The following KIF9 variants were observed in gnomAD, a reference collection of about 807,000 sequenced individuals.
The protein encoded by KIF9 is kinesin-like protein KIF9.
In KIF9, 68 loss-of-function variants were observed where a neutral mutation model predicts 94.8. The ratio of observed to expected loss-of-function variants is 0.72; its 90% CI spans 0.59 to 0.88. The LOEUF (loss-of-function observed/expected upper bound fraction) is 0.88. Ranked by LOEUF, KIF9 falls within the 40% of genes least tolerant of loss-of-function variation. The pLI, the probability that KIF9 is intolerant of heterozygous loss-of-function variation, is 0.00. For synonymous variants in KIF9, 343 were observed against 362.1 expected (o/e 0.95, Z 0.60); for missense variants, 882 against 982.5 (o/e 0.90, Z 1.37).
At position 47,243,075 on chromosome 3, in the gene KIF9, G is replaced by T. The variant is rs201012739; in HGVS notation, c.1685C>A (p.Pro562Gln). Residue 562 changes from proline to glutamine, a missense_variant, in exon 16 of 21, where the codon CCG (proline) becomes CAG (glutamine). Physicochemically the swap from Pro to Gln is moderately conservative, Grantham distance 76. Coordinates refer to ENST00000684063, the MANE Select transcript of KIF9 (RefSeq NM_182902.4). ...CCTAATTGGGCGTAATTCCTCCTTC[G>T]GGGAGTCTGAGGGAAGGGGCTCAAT... ...SSIEPLPSDSPKEELRPIRPD... is the reference protein window; with the variant it reads ...SSIEPLPSDSQKEELRPIRPD... The T allele has an allele frequency of 6.8e-6, 11 of 1,610,732 alleles. No individual in the cohort carries two copies. Among genetic ancestry groups the T allele is most frequent in the Non-Finnish European group, 9.3e-6 (11 of 1,177,238 alleles).
chr3:47,275,451 C>G lies in KIF9; in HGVS notation c.133G>C (p.Val45Leu). 1 of 1,611,600 alleles carries G rather than the reference C, an allele frequency of 6.2e-7. No individual in the cohort carries two copies. The highest frequency in any genetic ancestry group is 8.5e-7 in the Non-Finnish European group (1 of 1,179,144). The change falls in exon 3 of 21, where the codon GTT becomes CTT. Residue 45 changes from valine (V) to leucine (L), a missense_variant. Physicochemically the swap from Val to Leu is conservative, Grantham distance 32. Transcript: ENST00000684063. ...IHLKKDIRRG[V>L]VNNQQTDWSF... is the part of the protein sequence containing the mutation. ...CAGTCTGTCTGTTGGTTATTGACAACTCCTCTCCGAATGTCTTTTTTTAAG... is the reference window on the plus strand; with the variant it reads ...CAGTCTGTCTGTTGGTTATTGACAAGTCCTCTCCGAATGTCTTTTTTTAAG...
chr3:47,264,107 G>GT, intron 9 of KIF9, 179 bp downstream of exon 9: 1 of 599,370 alleles, frequency 1.7e-6, no homozygotes, highest in Non-Finnish European at 3.1e-6. Flanking sequence ...TTAGTGCTTG[G>GT]TGTGTGGATC....
intron 10 of KIF9, among the ~76,000 whole-genome samples, chr3:47,253,921 T>C (rs1418495108): frequency 6.6e-6 from 1 of 152,224 alleles, no homozygotes; most frequent in Non-Finnish European, 1.5e-5. Flanking sequence ...ACAGTGCTTG[T>C]TTTAATAGTG....
Position 47,245,482 on chromosome 3 carries a change from A to G in KIF9, c.1319T>C (p.Leu440Ser), listed in dbSNP as rs148412321. Residue 440 changes from leucine (L) to serine (S), a missense_variant, in exon 14 of 21, where the codon TTG becomes TCG. Transcript: ENST00000684063. ...GTCAATGAGGGTGTACTTCCTGCGC[A>G]AAGTGGACTCCACTTCCTGTTCCTG... is the stretch of plus-strand genomic sequence containing the variant. The part of the protein sequence containing the change: ...SQQEQEVEST[L>S]RRKYTLIDRN... 32 of 1,613,832 alleles carry G rather than the reference A, an allele frequency of 2.0e-5. No individual in the cohort carries two copies. The highest frequency in any genetic ancestry group is 4.0e-5 in the African/African-American group (3 of 74,924).
At chr3:47,264,234 G>T (rs1701153869) in intron 9 of KIF9, 52 bp downstream of exon 9, 1 of 1,396,836 alleles carries the variant, frequency 7.2e-7, no homozygotes, top group Non-Finnish European at 1.0e-6. Context: ...ACCCTGCCCT[G>T]GCACCCATGA....
At chr3:47,249,300 C>T (rs1370074877) in intron 10 of KIF9, among the ~76,000 whole-genome samples, 1 of 152,014 alleles carries the variant, frequency 6.6e-6, no homozygotes, top group Non-Finnish European at 1.5e-5. Context: ...CATGTGCCAC[C>T]ACGCCCGGCT....
At chr3:47,276,698 C>T (rs1332558468) in intron 2 of KIF9, among the ~76,000 whole-genome samples, 2 of 152,184 alleles carry the variant, frequency 1.3e-5, no homozygotes, top group Admixed American at 1.3e-4. Flanking sequence ...TTTCTGACCG[C>T]TAGGACCTGC....
At chr3:47,235,740 G>A (rs1209944835) in intron 19 of KIF9, 123 bp from the exon 20 acceptor site, 12 of 758,520 alleles carry the variant, frequency 1.6e-5, no homozygotes, top group Admixed American at 1.1e-4. Context: ...CCACCAAAAG[G>A]GCATCTCACA....
At chr3:47,234,551 C>CCATATACTTTCATGCTTTCTTA in intron 20 of KIF9, among the ~76,000 whole-genome samples, 15 of 148,470 alleles carry the variant, frequency 1.0e-4, no homozygotes, top group African/African-American at 3.7e-4. Flanking sequence ...CTGTGCCCAG[C>CCATATACTTTCATGCTTTCTTA]ATTTTTTTTT....
At chr3:47,242,918 T>C (rs1326871783) in intron 16 of KIF9, 133 bp downstream of exon 16, 3 of 702,184 alleles carry the variant, frequency 4.3e-6, no homozygotes, top group African/African-American at 1.8e-5. Context: ...GTTTCTTCTT[T>C]GGGGACTGTG....
intron 10 of KIF9, among the ~76,000 whole-genome samples, chr3:47,254,286 T>C (rs1244023493): frequency 6.6e-6 from 1 of 152,146 alleles, no homozygotes. Context: ...GGTGAAACCC[T>C]GTCTCTACTA....
chr3:47,234,822 C>T (rs1050186798), intron 20 of KIF9, among the ~76,000 whole-genome samples: 3 of 151,858 alleles, frequency 2.0e-5, no homozygotes, highest in African/African-American at 7.3e-5. Flanking sequence ...GCCCAAAGTG[C>T]TGGGATTACA....
At chr3:47,282,240 C>T (rs1197602888) in intron 1 of KIF9, 1 of 985,556 alleles carries the variant, frequency 1.0e-6, no homozygotes, top group Non-Finnish European at 1.2e-6. Context: ...CCCTGCCTCA[C>T]GGCCTCTATG....
At chr3:47,262,269 T>C (rs1370514940) in intron 9 of KIF9, among the ~76,000 whole-genome samples, 1 of 148,606 alleles carries the variant, frequency 6.7e-6, no homozygotes, top group Non-Finnish European at 1.5e-5. Context: ...ATGCGGGGTT[T>C]TTTTGTTTTT....
At chr3:47,233,948 G>A (rs1254866836) in intron 20 of KIF9, among the ~76,000 whole-genome samples, 1 of 151,564 alleles carries the variant, frequency 6.6e-6, no homozygotes, top group African/African-American at 2.4e-5. Context: ...AAAATTAGCC[G>A]GGCATGGTAG....
chr3:47,243,876 T>A (rs1213695496), intron 15 of KIF9: 1 of 152,236 alleles, frequency 6.6e-6, no homozygotes, highest in African/African-American at 2.4e-5. Context: ...TTCCTCCTCC[T>A]TGCAACGAGT....
chr3:47,257,901 C>T (rs1700724763), intron 9 of KIF9, among the ~76,000 whole-genome samples: 1 of 152,204 alleles, frequency 6.6e-6, no homozygotes, highest in Non-Finnish European at 1.5e-5. Context: ...TTTCTGTCCT[C>T]CTATGCTGTC....
At chr3:47,257,158 A>G (rs1221826103) in intron 10 of KIF9, among the ~76,000 whole-genome samples, 1 of 151,922 alleles carries the variant, frequency 6.6e-6, no homozygotes, top group Non-Finnish European at 1.5e-5. Flanking sequence ...AAATTAATTA[A>G]TTTTAAAAAA....
In KIF9 at chr3:47,247,354, T is replaced by C; in HGVS notation, c.1233+19A>G. The C allele has an allele frequency of 6.4e-7, 1 of 1,568,374 alleles. No individual in the cohort carries two copies. Among genetic ancestry groups the C allele is most frequent in the Non-Finnish European group, 8.8e-7 (1 of 1,138,918 alleles). ...GGCCCAGGCTGGCTGAGCATAGTGGTCACAGAGGGGTTCCTTACGTCGATC... is the reference window on the plus strand; with the variant it reads ...GGCCCAGGCTGGCTGAGCATAGTGGCCACAGAGGGGTTCCTTACGTCGATC... On this transcript the variant is annotated intron_variant, in intron 12 of 20. Coordinates refer to ENST00000684063, the MANE Select transcript of KIF9 (RefSeq NM_182902.4).
Sources: allele counts gnomAD v4.1 joint callset (sites outside exome capture counted in the v4.1 genomes callset), GRCh38; gene constraint gnomAD v4.1.1; transcripts MANE v1.5; gene names NCBI Gene and HGNC (gene_info 2026-07-23, HGNC 2026-07-21).